The following EPHX2 variants were observed in gnomAD, a reference collection of about 807,000 sequenced individuals.
EPHX2 encodes the protein bifunctional epoxide hydrolase 2.
A neutral mutation model predicts 78.7 loss-of-function variants in EPHX2; 74 were observed. That is an observed-to-expected ratio of 0.94 (90% confidence interval 0.78 to 1.14). The LOEUF is 1.14. Ranked by LOEUF, EPHX2 falls within the 50% of genes most tolerant of loss-of-function variation. The pLI is 0.00. For synonymous variants in EPHX2, 251 were observed against 255.2 expected (o/e 0.98, Z 0.16); for missense variants, 715 against 702.5 (o/e 1.02, Z -0.20).
At chr8:27,509,130 T>G (rs998372217) in intron 5 of EPHX2, among the ~76,000 whole-genome samples, 5 of 152,130 alleles carry the variant, frequency 3.3e-5, no homozygotes, top group African/African-American at 7.2e-5. Context: ...AATATTTGTC[T>G]TTTTGTAACT....
intron 12 of EPHX2, 26 bp from the exon 13 acceptor site, chr8:27,536,758 T>A: frequency 6.2e-7 from 1 of 1,613,804 alleles, no homozygotes; most frequent in Non-Finnish European, 8.5e-7. Flanking sequence ...AGGGGGTCCT[T>A]CATTTTGCTT....
chr8:27,509,313 T>C (rs1814144882), intron 5 of EPHX2, among the ~76,000 whole-genome samples: 1 of 152,222 alleles, frequency 6.6e-6, no homozygotes, highest in South Asian at 2.1e-4. Context: ...CTTTTGGCTA[T>C]TGGGAATAGT....
intron 6 of EPHX2, among the ~76,000 whole-genome samples, chr8:27,512,770 A>G (rs1337457635): frequency 6.6e-6 from 1 of 151,660 alleles, no homozygotes; most frequent in Non-Finnish European, 1.5e-5. Flanking sequence ...TTGCCACTTA[A>G]CTGACATTGC....
At chr8:27,499,630 G>C (rs1185429620) in intron 1 of EPHX2, among the ~76,000 whole-genome samples, 1 of 152,196 alleles carries the variant, frequency 6.6e-6, no homozygotes, top group Non-Finnish European at 1.5e-5. Context: ...TTCCAGACCT[G>C]AGTAATAGAA....
chr8:27,512,093 GTC>G, intron 6 of EPHX2, 183 bp downstream of exon 6: 1 of 264,234 alleles, frequency 3.8e-6, no homozygotes, highest in Non-Finnish European at 6.8e-6. Context: ...GTGAAACCCT[GTC>G]TCAAGAAAAA....
intron 12 of EPHX2, among the ~76,000 whole-genome samples, chr8:27,530,446 A>G (rs543562274): frequency 6.6e-6 from 1 of 152,312 alleles, no homozygotes; most frequent in South Asian, 2.1e-4. Context: ...TTTAAAAACT[A>G]TTTTTGAATG....
Position 27,505,007 on chromosome 8 carries a change from G to C in EPHX2, c.398G>C (p.Arg133Thr), listed in dbSNP as rs1392368689. The C allele has an allele frequency of 1.2e-6, 2 of 1,614,162 alleles. No homozygotes were observed. Among genetic ancestry groups the C allele is most frequent in the South Asian group, 2.2e-5 (2 of 91,072 alleles). ...TNTWLDDRAE[R>T]DGLAQLMCEL... ...ACCTGGCTGGACGACCGTGCTGAGA[G>C]AGATGGCCTGGCCCAGCTGATGTGT... Residue 133 changes from arginine (R) to threonine (T), a missense_variant, in exon 4 of 19, where the codon AGA (arginine) becomes ACA (threonine). Arg to Thr is a moderately conservative substitution (Grantham distance 71). Transcript: ENST00000521400.
At position 27,505,060 on chromosome 8, in the gene EPHX2, A is replaced by T. The variant is rs149400070; in HGVS notation, c.451A>T (p.Ile151Leu). Residue 151 changes from isoleucine to leucine, a missense_variant, in exon 4 of 19, where the codon ATA (isoleucine) becomes TTA (leucine). By Grantham distance (5) the Ile-to-Leu change is conservative. Transcript: ENST00000521400. ...GCTGAAGATGCACTTTGACTTCCTGATAGAGTCGTGTCAGGTGGGAATGGT... is the reference window on the plus strand; with the variant it reads ...GCTGAAGATGCACTTTGACTTCCTGTTAGAGTCGTGTCAGGTGGGAATGGT... ...CELKMHFDFL[I>L]ESCQVGMVKP... The T allele has an allele frequency of 8.1e-6, 13 of 1,614,010 alleles. No homozygotes were observed. In the African/African-American group the frequency reaches 1.1e-4, roughly 13 times the overall value.
intron 14 of EPHX2, 164 bp downstream of exon 14, chr8:27,538,856 G>A (rs1017952005): frequency 1.4e-6 from 1 of 697,804 alleles, no homozygotes; most frequent in Non-Finnish European, 2.5e-6. Context: ...TCTAACCCCA[G>A]GCCTGAGCAC....
chr8:27,544,108 C>T, intron 17 of EPHX2, 78 bp from the exon 18 acceptor site: 2 of 1,527,354 alleles, frequency 1.3e-6, no homozygotes, highest in East Asian at 4.5e-5. Flanking sequence ...GAGAAGGCGT[C>T]CATTGCCCAT....
rs146084287 is a variant in EPHX2 at position 27,518,067 on chromosome 8, T to C, written c.940T>C (p.Cys314Arg). 4.4e-6 allele frequency: 7 copies of C among 1,600,016 alleles called. No homozygotes were observed. The highest frequency in any genetic ancestry group is 2.2e-5 in the East Asian group (1 of 44,654). ...EIEEYCMEVLCKEMVTFLDKL... is the reference protein window; with the variant it reads ...EIEEYCMEVLRKEMVTFLDKL... Reference sequence around the variant, plus strand: ...AGAAGAATATTGCATGGAAGTGTTATGTAAGGTAAGAAGAATCTTGGGTAA... The same window carrying C: ...AGAAGAATATTGCATGGAAGTGTTACGTAAGGTAAGAAGAATCTTGGGTAA... The change falls in exon 9 of 19, where the codon TGT (cysteine) becomes CGT (arginine). Residue 314 changes from cysteine to arginine, a missense_variant. Cys to Arg is a radical substitution (Grantham distance 180). Transcript: ENST00000521400.
intron 2 of EPHX2, among the ~76,000 whole-genome samples, chr8:27,501,569 GT>G (rs1333688366): frequency 6.6e-6 from 1 of 151,382 alleles, no homozygotes; most frequent in Non-Finnish European, 1.5e-5. Flanking sequence ...ATGCCCAGCT[GT>G]TTTTTGTATT....
Position 27,504,975 on chromosome 8 carries a change from C to T in EPHX2, c.366C>T (p.Leu122=), listed in dbSNP as rs1305619174. ...LRKKGFTTAI[L]TNTWLDDRAE... ...GCTCAGGATTCACTACTGCCATCCT[C>T]ACCAACACCTGGCTGGACGACCGTG... The change falls in exon 4 of 19, where the codon CTC becomes CTT. Residue 122 remains leucine, a synonymous_variant. Coordinates refer to ENST00000521400, the MANE Select transcript of EPHX2 (RefSeq NM_001979.6). 1 of 1,614,110 alleles carries T rather than the reference C, an allele frequency of 6.2e-7. No homozygotes were observed. Among genetic ancestry groups the T allele is most frequent in the Admixed American group, 1.7e-5 (1 of 60,020 alleles).
chr8:27,547,595 C>T (rs1815596171), downstream of EPHX2, among the ~76,000 whole-genome samples: 1 of 152,146 alleles, frequency 6.6e-6, no homozygotes, highest in Non-Finnish European at 1.5e-5. Context: ...CTATTTAAAA[C>T]AATGTATCAT....
At chr8:27,535,468 C>T (rs1815182559) in intron 12 of EPHX2, among the ~76,000 whole-genome samples, 1 of 152,154 alleles carries the variant, frequency 6.6e-6, no homozygotes, top group Non-Finnish European at 1.5e-5. Flanking sequence ...ACCACTGCAC[C>T]CGGCCAAGAT....
chr8:27,497,156 A>T (rs1236715830), intron 1 of EPHX2, among the ~76,000 whole-genome samples: 1 of 152,168 alleles, frequency 6.6e-6, no homozygotes, highest in African/African-American at 2.4e-5. Context: ...CCTGGCCCTC[A>T]ATGGTTAAAC....
intron 12 of EPHX2, among the ~76,000 whole-genome samples, chr8:27,526,576 G>A (rs1484023183): frequency 6.6e-6 from 1 of 152,126 alleles, no homozygotes; most frequent in Non-Finnish European, 1.5e-5. Context: ...CATAACAAAG[G>A]CTAGGTAGCT....
At chr8:27,500,677 T>C (rs1476262111) in intron 1 of EPHX2, among the ~76,000 whole-genome samples, 1 of 152,196 alleles carries the variant, frequency 6.6e-6, no homozygotes, top group Non-Finnish European at 1.5e-5. Flanking sequence ...TGGGTGAAGC[T>C]GCTATTAGGT....
At chr8:27,534,195 C>T (rs1815136462) in intron 12 of EPHX2, among the ~76,000 whole-genome samples, 1 of 152,222 alleles carries the variant, frequency 6.6e-6, no homozygotes, top group African/African-American at 2.4e-5. Context: ...ATAATTGAAT[C>T]TTACAAAACG....
Sources: allele counts gnomAD v4.1 joint callset (sites outside exome capture counted in the v4.1 genomes callset), GRCh38; gene constraint gnomAD v4.1.1; transcripts MANE v1.5; gene names NCBI Gene and HGNC (gene_info 2026-07-23, HGNC 2026-07-21).